Variants in APIP observed in about 807,000 individuals in gnomAD.
The protein encoded by APIP is methylthioribulose-1-phosphate dehydratase.
In APIP, 32 loss-of-function variants were observed where a neutral mutation model predicts 32.0. That is an observed-to-expected ratio of 1.00 (90% CI 0.76 to 1.34). APIP has a LOEUF of 1.34. Among genes scored for constraint, APIP ranks in the 40% most tolerant of loss-of-function variants. The pLI is 0.00. For synonymous variants in APIP, 92 were observed against 94.8 expected (o/e 0.97, Z 0.17); for missense variants, 247 against 298.6 (o/e 0.83, Z 1.27).
intron 1 of APIP, among the ~76,000 whole-genome samples, chr11:34,903,316 T>C (rs1214842680): frequency 1.3e-5 from 2 of 152,222 alleles, no homozygotes; most frequent in African/African-American, 2.4e-5. Flanking sequence ...GGAGTATGCA[T>C]ATGCAATGGT....
At chr11:34,912,597 T>C (rs552350515) in intron 1 of APIP, among the ~76,000 whole-genome samples, 2 of 152,284 alleles carry the variant, frequency 1.3e-5, no homozygotes, top group East Asian at 3.9e-4. Context: ...TTAATCTGGA[T>C]GAGCACAATC....
intron 1 of APIP, among the ~76,000 whole-genome samples, chr11:34,906,001 A>G (rs1162624293): frequency 6.6e-6 from 1 of 152,218 alleles, no homozygotes. Flanking sequence ...CTCACTTGAC[A>G]TGTCGAATTC....
In APIP at chr11:34,882,471, A is replaced by G. The variant is rs1171707980; in HGVS notation, c.*246T>C. On this transcript the variant is annotated 3_prime_UTR_variant, in exon 7 of 7. Coordinates refer to ENST00000395787, the MANE Select transcript of APIP (RefSeq NM_015957.4). Reference sequence around the variant, plus strand: ...AATTAAAGGCAAATATTTTGCTGTTAAGGATTTAAAAATAAACAGAAACAT... The same window carrying G: ...AATTAAAGGCAAATATTTTGCTGTTGAGGATTTAAAAATAAACAGAAACAT... The G allele has an allele frequency of 2.9e-5, 7 of 242,090 alleles. No homozygotes were observed. The highest frequency in any genetic ancestry group is 5.5e-5 in the Admixed American group (1 of 18,118). The allele number at this position is 242,090 out of a possible 1,614,324, so 15.0% of individuals were successfully genotyped here. A position where few individuals can be genotyped will look rare whatever the true frequency, so the allele number is the denominator to read the frequency against.
At chr11:34,888,106 C>T (rs896535346) in intron 5 of APIP, among the ~76,000 whole-genome samples, 187 bp downstream of exon 5, 6 of 151,634 alleles carry the variant, frequency 4.0e-5, no homozygotes, top group African/African-American at 9.7e-5. Context: ...GGGGTAGGGG[C>T]GGGAGAGGAG....
chr11:34,896,799 A>C, intron 1 of APIP: 1 of 1,288,200 alleles, frequency 7.8e-7, no homozygotes, highest in South Asian at 1.2e-5. Context: ...AATGTTCCTG[A>C]AGGTATTGCA....
intron 3 of APIP, 72 bp from the exon 4 acceptor site, chr11:34,888,941 T>C: frequency 1.1e-6 from 1 of 872,484 alleles, no homozygotes; most frequent in Non-Finnish European, 1.7e-6. Context: ...CCTTTTCTTG[T>C]GTACATATAC....
At chr11:34,896,044 T>C (rs1853263766) in intron 1 of APIP, among the ~76,000 whole-genome samples, 1 of 152,138 alleles carries the variant, frequency 6.6e-6, no homozygotes, top group African/African-American at 2.4e-5. Context: ...CCATAAAAAA[T>C]GAGAATGAGA....
At chr11:34,902,330 G>A (rs1023023321) in intron 1 of APIP, among the ~76,000 whole-genome samples, 1 of 152,170 alleles carries the variant, frequency 6.6e-6, no homozygotes, top group Middle Eastern at 3.2e-3. Flanking sequence ...TCAAGTTAGG[G>A]TCTTGCATTA....
intron 4 of APIP, 105 bp from the exon 5 acceptor site, chr11:34,888,533 CT>C (rs1293947152): frequency 1.4e-6 from 2 of 1,461,858 alleles, no homozygotes; most frequent in Non-Finnish European, 1.8e-6. Context: ...TGGTTATGGG[CT>C]TATTTTTCCT....
At position 34,893,033 on chromosome 11, in the gene APIP, C is replaced by T. The variant is rs1853206426; in HGVS notation, c.158+1977G>A. On this transcript the variant is annotated intron_variant, in intron 2 of 6. Transcript: ENST00000395787. ...TGACTGTGGCTCTTTCCTTCCATGA[C>T]CTCCACACCCATTAAGAACTAAGGA... Among the ~76,000 whole-genome samples the T allele has an allele frequency of 2.0e-5, 3 of 152,128 alleles. No homozygotes were observed. The South Asian group carries it at 6.2e-4, about 31-fold the overall frequency.
At chr11:34,913,900 C>T (rs774124956) in intron 1 of APIP, among the ~76,000 whole-genome samples, 4 of 152,122 alleles carry the variant, frequency 2.6e-5, no homozygotes, top group Admixed American at 1.3e-4. Context: ...GCGGCTTTAC[C>T]TCTCACTAGC....
At chr11:34,885,215 T>C (rs1445486423) in intron 5 of APIP, among the ~76,000 whole-genome samples, 3 of 148,248 alleles carry the variant, frequency 2.0e-5, no homozygotes, top group Non-Finnish European at 4.5e-5. Context: ...TATATGTATA[T>C]TATATATGTA....
chr11:34,904,677 G>A (rs1455220781), intron 1 of APIP, among the ~76,000 whole-genome samples: 1 of 152,170 alleles, frequency 6.6e-6, no homozygotes, highest in Non-Finnish European at 1.5e-5. Flanking sequence ...TTTGGTACTT[G>A]TAAAGGCTCT....
At chr11:34,915,214 C>T (rs761284001) in intron 1 of APIP, among the ~76,000 whole-genome samples, 5 of 152,144 alleles carry the variant, frequency 3.3e-5, no homozygotes, top group Non-Finnish European at 7.3e-5. Flanking sequence ...GACACTTCTC[C>T]ATACACACTT....
intron 1 of APIP, 80 bp downstream of exon 1, chr11:34,916,148 C>G: frequency 3.2e-6 from 5 of 1,541,344 alleles, no homozygotes; most frequent in Non-Finnish European, 4.4e-6. Context: ...GGCCCGCTAC[C>G]CTGCGCCCAG....
chr11:34,900,101 C>G (rs1320255671), intron 1 of APIP, among the ~76,000 whole-genome samples: 2 of 152,154 alleles, frequency 1.3e-5, no homozygotes, highest in African/African-American at 2.4e-5. Context: ...TTAATGTCAT[C>G]CAACAGTTAG....
intron 1 of APIP, among the ~76,000 whole-genome samples, chr11:34,898,425 G>A (rs1853314935): frequency 6.6e-6 from 1 of 152,068 alleles, no homozygotes; most frequent in Non-Finnish European, 1.5e-5. Context: ...ATCGCGTGAG[G>A]CTGGGAAAGT....
chr11:34,898,050 G>A (rs955627786), intron 1 of APIP, among the ~76,000 whole-genome samples: 1 of 151,988 alleles, frequency 6.6e-6, no homozygotes, highest in Non-Finnish European at 1.5e-5. Context: ...GTGTGTCCAT[G>A]TTATTTATCT....
rs567647713 is a variant in APIP at position 34,914,773 on chromosome 11, G to T, written c.57+1455C>A. Among the ~76,000 whole-genome samples, 5 of 152,220 alleles carry T rather than the reference G, an allele frequency of 3.3e-5. 1 individual carries two copies. In the East Asian group the frequency reaches 5.8e-4, roughly 18 times the overall value. On this transcript the variant is annotated intron_variant, in intron 1 of 6. Coordinates refer to ENST00000395787, the MANE Select transcript of APIP (RefSeq NM_015957.4). ...AATCCCAGCACTTTGGGCAGCTTAGGGGGGTGGATCACCTGAGATAACGAG... is the reference window on the plus strand; with the variant it reads ...AATCCCAGCACTTTGGGCAGCTTAGTGGGGTGGATCACCTGAGATAACGAG...
Sources: gnomAD v4.1 joint callset for allele counts (sites outside exome capture counted in the v4.1 genomes callset) on GRCh38, gnomAD v4.1.1 for gene constraint, MANE v1.5 for transcripts, NCBI Gene and HGNC (gene_info 2026-07-23, HGNC 2026-07-21) for gene names.